Variants in C12orf50 observed in about 807,000 individuals in gnomAD.
C12orf50 encodes the protein uncharacterized protein C12orf50.
Under a neutral mutation model 61.6 loss-of-function variants are expected in C12orf50, and 35 were observed. The ratio of observed to expected loss-of-function variants is 0.57; its 90% CI spans 0.43 to 0.75. The LOEUF (loss-of-function observed/expected upper bound fraction) is 0.75. C12orf50 is among the 30% of genes least tolerant of loss of function. C12orf50 has a pLI of 0.00. For synonymous variants in C12orf50, 178 were observed against 161.5 expected (o/e 1.10, Z -0.77); for missense variants, 475 against 488.5 (o/e 0.97, Z 0.26).
intron 12 of C12orf50, among the ~76,000 whole-genome samples, chr12:87,980,857 G>T (rs2030430846): frequency 6.6e-6 from 1 of 152,134 alleles, no homozygotes; most frequent in African/African-American, 2.4e-5. Flanking sequence ...TGCCCTAGAG[G>T]AACAGACTCA....
chr12:87,981,458 C>T (rs1285479580), intron 12 of C12orf50, among the ~76,000 whole-genome samples: 1 of 152,146 alleles, frequency 6.6e-6, no homozygotes, highest in Non-Finnish European at 1.5e-5. Flanking sequence ...TCTGATTCAG[C>T]AGGTCTGAGA....
intron 3 of C12orf50, among the ~76,000 whole-genome samples, chr12:88,003,804 A>G (rs1228693416): frequency 6.6e-6 from 1 of 152,110 alleles, no homozygotes; most frequent in Non-Finnish European, 1.5e-5. Context: ...GTGTATATCC[A>G]ACTTAGAGTT....
chr12:87,985,973 T>TATA lies in C12orf50; in HGVS notation c.1000_1002dup (p.Tyr334dup). The TATA allele has an allele frequency of 6.2e-7, 1 of 1,613,904 alleles. No individual in the cohort carries two copies. Among genetic ancestry groups the TATA allele is most frequent in the South Asian group, 1.1e-5 (1 of 91,082 alleles). ...CTGACAGCATCTCTTTGAACGTGGA[T>TATA]ATAGGATGCATTCTCCGCATTTCGA... On this transcript the variant is annotated inframe_insertion, in exon 11 of 13. Transcript: ENST00000298699.
intron 11 of C12orf50, chr12:87,985,078 A>G (rs930668400): frequency 5.9e-5 from 9 of 152,100 alleles, no homozygotes; most frequent in African/African-American, 2.2e-4. Flanking sequence ...ATTTTAAAAA[A>G]TTTATTAAAT....
intron 3 of C12orf50, among the ~76,000 whole-genome samples, chr12:88,019,154 T>C (rs1219674227): frequency 6.6e-6 from 1 of 152,054 alleles, no homozygotes; most frequent in East Asian, 1.9e-4. Context: ...AATTCCCATA[T>C]GTTGTGGGAG....
At chr12:88,003,085 G>C (rs1041409970) in intron 3 of C12orf50, among the ~76,000 whole-genome samples, 1 of 151,680 alleles carries the variant, frequency 6.6e-6, no homozygotes, top group African/African-American at 2.4e-5. Context: ...GAGCTAAGAG[G>C]GGAAAAAGAT....
chr12:88,010,471 TTATAA>T (rs888626196), intron 3 of C12orf50, among the ~76,000 whole-genome samples: 1 of 146,724 alleles, frequency 6.8e-6, no homozygotes, highest in Admixed American at 6.8e-5. Context: ...TATTATAATC[TTATAA>T]TAAGATTATA....
Position 87,997,614 on chromosome 12 carries a change from C to T in C12orf50, c.289+421G>A, listed in dbSNP as rs1592659277. On this transcript the variant is annotated intron_variant, in intron 4 of 12. Transcript: ENST00000298699. ...TGTGTGACATTCCCCTCCCTGTGTCCATGTGTTCTCATTGTTCAACTCCCA... is the reference window on the plus strand; with the variant it reads ...TGTGTGACATTCCCCTCCCTGTGTCTATGTGTTCTCATTGTTCAACTCCCA... 2.0e-5 allele frequency among the ~76,000 whole-genome samples: 3 copies of T among 152,022 alleles called. No individual in the cohort carries two copies. The South Asian group carries it at 6.2e-4, about 31-fold the overall frequency.
chr12:88,010,207 C>T (rs142744753), intron 3 of C12orf50, among the ~76,000 whole-genome samples: 17 of 152,066 alleles, frequency 1.1e-4, no homozygotes, highest in Non-Finnish European at 2.5e-4. Context: ...GCTAGACTGT[C>T]CTAATCTCTA....
intron 3 of C12orf50, among the ~76,000 whole-genome samples, chr12:87,998,475 A>G (rs1338910612): frequency 6.6e-6 from 1 of 152,146 alleles, no homozygotes; most frequent in Non-Finnish European, 1.5e-5. Flanking sequence ...GAAAATATAT[A>G]TATTGAAAAA....
chr12:87,993,422 G>C (rs1213613274), intron 7 of C12orf50, among the ~76,000 whole-genome samples: 1 of 152,234 alleles, frequency 6.6e-6, no homozygotes, highest in African/African-American at 2.4e-5. Flanking sequence ...GAGACTGCCA[G>C]TGTTTCTAAT....
intron 3 of C12orf50, among the ~76,000 whole-genome samples, chr12:88,012,247 T>C (rs967360103): frequency 6.6e-6 from 1 of 152,214 alleles, no homozygotes; most frequent in Non-Finnish European, 1.5e-5. Flanking sequence ...CTACTTTCTA[T>C]GCTTTGTCAA....
At chr12:88,015,924 AC>A (rs568900972) in intron 3 of C12orf50, among the ~76,000 whole-genome samples, 8 of 152,152 alleles carry the variant, frequency 5.3e-5, no homozygotes, top group Non-Finnish European at 1.2e-4. Context: ...GCAGTTTTAT[AC>A]CCCTAGACAA....
At chr12:87,994,233 A>T (rs1030130920) in intron 7 of C12orf50, among the ~76,000 whole-genome samples, 4 of 151,942 alleles carry the variant, frequency 2.6e-5, no homozygotes, top group Admixed American at 2.6e-4. Flanking sequence ...AAATAAGTAG[A>T]TAAATAAAAA....
At chr12:88,000,033 A>T (rs2031586837) in intron 3 of C12orf50, among the ~76,000 whole-genome samples, 1 of 152,090 alleles carries the variant, frequency 6.6e-6, no homozygotes, top group Non-Finnish European at 1.5e-5. Context: ...AATTGGAAAA[A>T]AATGAGGAGT....
At chr12:87,984,933 T>A (rs1312553098) in intron 11 of C12orf50, 1 of 152,074 alleles carries the variant, frequency 6.6e-6, no homozygotes, top group African/African-American at 2.4e-5. Flanking sequence ...AAAGCACGTT[T>A]CACCTAAGAA....
At chr12:88,001,936 C>T (rs1317823536) in intron 3 of C12orf50, among the ~76,000 whole-genome samples, 1 of 151,358 alleles carries the variant, frequency 6.6e-6, no homozygotes, top group Admixed American at 6.6e-5. Flanking sequence ...TATCAAATAA[C>T]CAACTTTTGA....
intron 4 of C12orf50, 137 bp downstream of exon 4, chr12:87,997,898 G>C: frequency 1.5e-6 from 1 of 667,776 alleles, no homozygotes; most frequent in Non-Finnish European, 2.4e-6. Context: ...AATTAAATTA[G>C]TTTAATACAA....
At position 88,015,185 on chromosome 12, in the gene C12orf50, T is replaced by C. The variant is rs184600023; in HGVS notation, c.133+11303A>G. Among the ~76,000 whole-genome samples, 22 of 152,306 alleles carry C rather than the reference T, an allele frequency of 1.4e-4. No individual in the cohort carries two copies. The East Asian group carries it at 4.0e-3, about 28-fold the overall frequency. On this transcript the variant is annotated intron_variant, in intron 3 of 12. Transcript: ENST00000298699. ...CTAAGCTGAAGAACTTTTATCCTTA[T>C]AACCATTATGAATTGTCTTCTTTTC...
Sources: gnomAD v4.1 joint callset for allele counts (sites outside exome capture counted in the v4.1 genomes callset) on GRCh38, gnomAD v4.1.1 for gene constraint, MANE v1.5 for transcripts, NCBI Gene and HGNC (gene_info 2026-07-23, HGNC 2026-07-21) for gene names.